The following SLIT3 variants were observed in gnomAD, a reference collection of about 807,000 sequenced individuals.
The protein encoded by SLIT3 is slit guidance ligand 3, also known as slit homolog 3 protein.
In SLIT3, 68 loss-of-function variants were observed where a neutral mutation model predicts 184.0. The observed-to-expected ratio is 0.37, with a 90% CI of 0.30 to 0.45. The LOEUF is 0.45. Ranked by LOEUF, SLIT3 falls within the 20% of genes least tolerant of loss-of-function variation. The pLI, the probability that SLIT3 is intolerant of heterozygous loss-of-function variation, is 1.00. For synonymous variants in SLIT3, 831 were observed against 828.6 expected (o/e 1.00, Z -0.05); for missense variants, 1,707 against 2,026.0 (o/e 0.84, Z 3.02).
intron 3 of SLIT3, among the ~76,000 whole-genome samples, chr5:169,199,105 C>T (rs982129127): frequency 2.6e-5 from 4 of 151,886 alleles, no homozygotes; most frequent in Admixed American, 2.0e-4. Flanking sequence ...AGCAGGAAAA[C>T]CAGTTAAAAG....
chr5:169,246,642 C>T (rs1335197571), intron 2 of SLIT3, among the ~76,000 whole-genome samples: 3 of 152,156 alleles, frequency 2.0e-5, no homozygotes, highest in East Asian at 1.9e-4. Flanking sequence ...AAATGTTGGC[C>T]GGGTGCAGTA....
At chr5:169,166,212 G>A (rs1482561025) in intron 4 of SLIT3, among the ~76,000 whole-genome samples, 3 of 152,016 alleles carry the variant, frequency 2.0e-5, no homozygotes, top group Non-Finnish European at 4.4e-5. Flanking sequence ...CTTTGCCATG[G>A]AGACCAAAGA....
intron 31 of SLIT3, among the ~76,000 whole-genome samples, chr5:168,685,103 C>A (rs886827452): frequency 1.3e-5 from 2 of 152,174 alleles, no homozygotes; most frequent in African/African-American, 2.4e-5. Context: ...GCATGCACCA[C>A]CACGCCCTGC....
chr5:168,898,413 T>A lies in SLIT3; in HGVS notation c.414-15077A>T, dbSNP rs1330751832. 2.5e-3 allele frequency among the ~76,000 whole-genome samples: 325 copies of A among 128,980 alleles called. 3 individuals are homozygous for A. The highest frequency in any genetic ancestry group is 8.3e-3 in the African/African-American group (307 of 36,774). The allele number at this position is 128,980 out of a possible 152,430, so 84.6% of individuals were successfully genotyped here. On this transcript the variant is annotated intron_variant, in intron 4 of 35. Coordinates refer to ENST00000519560, the MANE Select transcript of SLIT3 (RefSeq NM_003062.4). ...GAGGGAGACTTTTTTTTTTTTTTTTTAAAGATCCAGCTCCTCTCTTCTCTT... is the reference window on the plus strand; with the variant it reads ...GAGGGAGACTTTTTTTTTTTTTTTTAAAAGATCCAGCTCCTCTCTTCTCTT...
intron 11 of SLIT3, among the ~76,000 whole-genome samples, chr5:168,786,257 G>A (rs1756150275): frequency 6.6e-6 from 1 of 152,152 alleles, no homozygotes; most frequent in Non-Finnish European, 1.5e-5. Context: ...GGAAGAAGCG[G>A]TCTCTTTGTG....
At position 169,300,976 on chromosome 5, in the gene SLIT3, CT is replaced by C. The variant is rs1767671342; in HGVS notation, c.-268del. 1 of 172,776 alleles carries C rather than the reference CT, an allele frequency of 5.8e-6. No homozygotes were observed. The highest frequency in any genetic ancestry group is 1.6e-4 in the East Asian group (1 of 6,126). The allele number at this position is 172,776 out of a possible 1,614,324, so 10.7% of individuals were successfully genotyped here. On this transcript the variant is annotated 5_prime_UTR_variant, in exon 1 of 36. An upstream open reading frame in the 5' UTR loses its in-frame stop. Coordinates refer to ENST00000519560, the MANE Select transcript of SLIT3 (RefSeq NM_003062.4). This position sits in a 1 kb window ranked among gnomAD's most constrained non-coding sequence, Gnocchi z 4.1. Reference sequence around the variant, plus strand: ...GGAGTGCCCAGGTGCGGAGCGCCCCCTGGCCCCGCTGGCCCGCGGGCCGGGT... The same window carrying C: ...GGAGTGCCCAGGTGCGGAGCGCCCCCGGCCCCGCTGGCCCGCGGGCCGGGT...
intron 28 of SLIT3, among the ~76,000 whole-genome samples, chr5:168,693,647 C>T (rs1582537415): frequency 1.3e-5 from 2 of 152,294 alleles, no homozygotes; most frequent in East Asian, 3.9e-4. Flanking sequence ...TGAACGTTCT[C>T]TCCAGGAATG....
At chr5:168,755,448 T>TCTTTCCTTCCTTCCTTCC in intron 16 of SLIT3, among the ~76,000 whole-genome samples, 1 of 102,666 alleles carries the variant, frequency 9.7e-6, no homozygotes, top group Admixed American at 9.7e-5. Flanking sequence ...TTTCTTTCTT[T>TCTTTCCTTCCTTCCTTCC]TTGAGACAGA....
intron 4 of SLIT3, among the ~76,000 whole-genome samples, chr5:169,132,042 C>G (rs962123469): frequency 1.6e-4 from 24 of 152,192 alleles, no homozygotes; most frequent in African/African-American, 5.5e-4. Flanking sequence ...CACATCAGCT[C>G]TATTCTGCCT....
chr5:168,706,321 T>A (rs567638583), intron 26 of SLIT3, among the ~76,000 whole-genome samples: 186 of 152,324 alleles, frequency 1.2e-3, no homozygotes, highest in South Asian at 2.1e-3. Flanking sequence ...GGAAGACAGA[T>A]GAAATTACTA....
chr5:168,701,395 A>C (rs1409406834), intron 26 of SLIT3, among the ~76,000 whole-genome samples: 1 of 152,170 alleles, frequency 6.6e-6, no homozygotes, highest in Non-Finnish European at 1.5e-5. Flanking sequence ...GGTAAGCCTA[A>C]GGTTAGGCCA....
intron 32 of SLIT3, among the ~76,000 whole-genome samples, chr5:168,675,743 G>A (rs1460320794): frequency 6.6e-6 from 1 of 152,136 alleles, no homozygotes; most frequent in Non-Finnish European, 1.5e-5. Context: ...GTCAATTACT[G>A]GGAAAATGTG....
At chr5:168,755,584 G>A (rs1349154349) in intron 16 of SLIT3, among the ~76,000 whole-genome samples, 3 of 151,690 alleles carry the variant, frequency 2.0e-5, no homozygotes, top group South Asian at 2.1e-4. Context: ...ACAGGTGCCT[G>A]CCACCATGCC....
intron 1 of SLIT3, among the ~76,000 whole-genome samples, chr5:169,283,863 C>A (rs1304144889): frequency 6.6e-6 from 1 of 152,046 alleles, no homozygotes; most frequent in Non-Finnish European, 1.5e-5. Context: ...TGTCTTTTAT[C>A]CGATTATTTA....
chr5:169,104,466 G>T (rs568879519), intron 4 of SLIT3, among the ~76,000 whole-genome samples: 1 of 152,154 alleles, frequency 6.6e-6, no homozygotes, highest in African/African-American at 2.4e-5. Context: ...AAATGAAAAG[G>T]CTTTAAAAAC....
chr5:168,941,698 A>C (rs1404443279), intron 4 of SLIT3, among the ~76,000 whole-genome samples: 1 of 152,212 alleles, frequency 6.6e-6, no homozygotes, highest in Admixed American at 6.5e-5. Flanking sequence ...TCATGATAAA[A>C]GGCTCATCGA....
intron 1 of SLIT3, among the ~76,000 whole-genome samples, chr5:169,290,750 G>A (rs1180866406): frequency 6.6e-5 from 10 of 150,630 alleles, no homozygotes; most frequent in African/African-American, 2.2e-4. Context: ...ACACACTAGG[G>A]CATACACTGG....
At chr5:168,678,261 T>C (rs1407234347) in intron 32 of SLIT3, among the ~76,000 whole-genome samples, 1 of 152,170 alleles carries the variant, frequency 6.6e-6, no homozygotes, top group Non-Finnish European at 1.5e-5. Flanking sequence ...AGGTTCAGGG[T>C]AGGCAGTGCT....
chr5:169,201,821 C>A (rs1287114169), intron 3 of SLIT3, among the ~76,000 whole-genome samples: 5 of 152,226 alleles, frequency 3.3e-5, no homozygotes, highest in Non-Finnish European at 7.3e-5. Flanking sequence ...TTGGCCAGAA[C>A]TAGTCACATG....
Sources: allele counts gnomAD v4.1 joint callset (sites outside exome capture counted in the v4.1 genomes callset), GRCh38; gene constraint gnomAD v4.1.1; non-coding constraint Gnocchi (gnomAD v3.1); transcripts MANE v1.5; gene names NCBI Gene and HGNC (gene_info 2026-07-23, HGNC 2026-07-21).